Variants in PRELID2 observed in about 807,000 individuals in gnomAD.
PRELID2 encodes PRELI domain-containing protein 2.
Under a neutral mutation model 28.4 loss-of-function variants are expected in PRELID2, and 25 were observed. That is an observed-to-expected ratio of 0.88 (90% CI 0.64 to 1.23). The LOEUF is 1.23. PRELID2 is among the 50% of genes most tolerant of loss of function. The pLI, the probability that PRELID2 is intolerant of heterozygous loss-of-function variation, is 0.00. For synonymous variants in PRELID2, 76 were observed against 71.6 expected, an observed-to-expected ratio of 1.06 and a Z score of -0.31; for missense variants, 201 against 214.4, an observed-to-expected ratio of 0.94 and a Z score of 0.39.
intron 1 of PRELID2, among the ~76,000 whole-genome samples, chr5:145,517,508 G>A (rs1297595869): frequency 6.6e-6 from 1 of 152,122 alleles, no homozygotes; most frequent in Non-Finnish European, 1.5e-5. Flanking sequence ...TGGAGATGTG[G>A]AGATATATAT....
chr5:145,485,476 T>G (rs1157299920), intron 1 of PRELID2, among the ~76,000 whole-genome samples: 4 of 152,220 alleles, frequency 2.6e-5, no homozygotes, highest in Admixed American at 2.6e-4. Flanking sequence ...TCAGAATGAG[T>G]GCATGTATGT....
chr5:145,522,215 A>G (rs1247171991), intron 1 of PRELID2, among the ~76,000 whole-genome samples: 1 of 152,216 alleles, frequency 6.6e-6, no homozygotes, highest in African/African-American at 2.4e-5. Flanking sequence ...CCTTTCTTCA[A>G]GACCATTTAT....
At chr5:145,671,984 C>T (rs1166042942) in intron 1 of PRELID2, among the ~76,000 whole-genome samples, 1 of 152,126 alleles carries the variant, frequency 6.6e-6, no homozygotes, top group East Asian at 1.9e-4. Context: ...TGCCCAAGTG[C>T]TTTACTTTAT....
intron 1 of PRELID2, among the ~76,000 whole-genome samples, chr5:145,722,489 C>T (rs1186789680): frequency 7.5e-6 from 1 of 133,778 alleles, no homozygotes; most frequent in East Asian, 2.4e-4. Flanking sequence ...TAGTAGAAAC[C>T]AGTATCAAAT....
At chr5:145,257,756 G>A in the PRELID2 span, among the ~76,000 whole-genome samples, 12 of 152,288 alleles carry the variant, frequency 7.9e-5, no homozygotes, top group South Asian at 8.3e-4. Context: ...ATTTCATAAC[G>A]ATAAATGGGT....
chr5:145,309,341 G>T, the PRELID2 span, among the ~76,000 whole-genome samples: 1 of 152,152 alleles, frequency 6.6e-6, no homozygotes, highest in Non-Finnish European at 1.5e-5. Context: ...GAAGAGAAAT[G>T]ATATGAGCAA....
At chr5:145,324,228 G>A in the PRELID2 span, among the ~76,000 whole-genome samples, 3,584 of 152,246 alleles carry the variant, frequency 0.024, 198 homozygotes, top group East Asian at 0.23. Flanking sequence ...CACTGTGGAT[G>A]TCATTGTAGG....
In PRELID2 at chr5:145,823,109, A is replaced by G. The variant is rs376391065; in HGVS notation, c.101T>C (p.Val34Ala). The change falls in exon 2 of 7, where the codon GTC becomes GCC. Residue 34 changes from valine to alanine, a missense_variant. Physicochemically the swap from Val to Ala is moderately conservative, Grantham distance 64. Transcript: ENST00000683046. ...RKYPNPMDKN[V>A]ISVKIMEEKR... ...TTCCTCCATGATTTTTACTGAGATG[A>G]CATTTTTATCCATGGGGTTGGGGTA... The G allele has an allele frequency of 6.5e-7, 1 of 1,538,084 alleles. No individual in the cohort carries two copies. Among genetic ancestry groups the G allele is most frequent in the Non-Finnish European group, 9.0e-7 (1 of 1,111,096 alleles).
the PRELID2 span, among the ~76,000 whole-genome samples, chr5:145,371,945 G>C: frequency 2.8e-5 from 4 of 145,138 alleles, no homozygotes; most frequent in Non-Finnish European, 6.0e-5. Flanking sequence ...TTGTGTCTCT[G>C]TCTCCTTCAA....
chr5:145,798,716 C>A (rs1441767435), intron 4 of PRELID2, among the ~76,000 whole-genome samples: 1 of 152,112 alleles, frequency 6.6e-6, no homozygotes, highest in East Asian at 1.9e-4. Flanking sequence ...AGTTCATGTC[C>A]TTTGCAGGGA....
chr5:145,383,779 T>C, the PRELID2 span, among the ~76,000 whole-genome samples: 1 of 151,868 alleles, frequency 6.6e-6, no homozygotes, highest in African/African-American at 2.4e-5. Context: ...TAAGCAAACA[T>C]TTCTTAAAGA....
the PRELID2 span, among the ~76,000 whole-genome samples, chr5:145,431,609 T>C: frequency 6.6e-6 from 1 of 152,192 alleles, no homozygotes; most frequent in Admixed American, 6.5e-5. Flanking sequence ...ATCAGCTCCG[T>C]AATATTTCTG....
chr5:145,247,850 C>T, the PRELID2 span, among the ~76,000 whole-genome samples: 3 of 152,048 alleles, frequency 2.0e-5, no homozygotes, highest in Admixed American at 2.0e-4. Flanking sequence ...TCAGATTAGT[C>T]ACTCAGTACG....
intron 1 of PRELID2, among the ~76,000 whole-genome samples, chr5:145,609,514 G>T (rs1288176584): frequency 1.3e-5 from 2 of 152,248 alleles, no homozygotes; most frequent in Admixed American, 1.3e-4. Flanking sequence ...CCATATTCTT[G>T]CTGGGTCAGC....
intron 1 of PRELID2, among the ~76,000 whole-genome samples, chr5:145,739,454 G>A (rs755962558): frequency 7.2e-5 from 11 of 152,102 alleles, no homozygotes; most frequent in Admixed American, 5.2e-4. Flanking sequence ...GCAGTGAGCC[G>A]AGATTGCACC....
At chr5:145,411,747 T>C in the PRELID2 span, among the ~76,000 whole-genome samples, 1 of 152,188 alleles carries the variant, frequency 6.6e-6, no homozygotes, top group African/African-American at 2.4e-5. Flanking sequence ...TGTAGTGCAC[T>C]AGAGGAGGTT....
the PRELID2 span, among the ~76,000 whole-genome samples, chr5:145,354,297 C>G: frequency 1.7e-4 from 26 of 152,184 alleles, no homozygotes; most frequent in African/African-American, 6.3e-4. Flanking sequence ...TAATATGAAC[C>G]ATATTTTGTA....
At chr5:145,457,991 T>C in the PRELID2 span, among the ~76,000 whole-genome samples, 2 of 152,200 alleles carry the variant, frequency 1.3e-5, no homozygotes, top group Admixed American at 1.3e-4. Context: ...TTAGTTTTCA[T>C]TAGATTCTCA....
At chr5:145,286,724 GTTT>G in the PRELID2 span, among the ~76,000 whole-genome samples, 59 of 114,396 alleles carry the variant, frequency 5.2e-4, no homozygotes, top group African/African-American at 1.5e-3. Flanking sequence ...TTGTTTGTTT[GTTT>G]TTTTTTTTTT....
Sources: allele counts gnomAD v4.1 joint callset (sites outside exome capture counted in the v4.1 genomes callset), GRCh38; gene constraint gnomAD v4.1.1; transcripts MANE v1.5; gene names NCBI Gene and HGNC (gene_info 2026-07-23, HGNC 2026-07-21).